ZNF438: variants seen among roughly 807,000 people sequenced by gnomAD.
ZNF438 encodes the protein zinc finger protein 438.
A neutral mutation model predicts 38.0 loss-of-function variants in ZNF438; 25 were observed. That is an observed-to-expected ratio of 0.66 (90% CI 0.48 to 0.92). ZNF438 has a LOEUF of 0.92. Among genes scored for constraint, ZNF438 ranks in the 40% least tolerant of loss-of-function variants. The probability of loss-of-function intolerance (pLI) is 0.00; values close to 1 mark genes in which losing one functional copy is unlikely to be tolerated. For synonymous variants in ZNF438, 372 were observed against 364.1 expected (o/e 1.02, Z -0.25); for missense variants, 1,007 against 999.6 (o/e 1.01, Z -0.10).
intron 3 of ZNF438, among the ~76,000 whole-genome samples, chr10:30,893,133 A>G (rs1007814806): frequency 7.9e-5 from 12 of 152,238 alleles, no homozygotes; most frequent in African/African-American, 2.9e-4. Context: ...AACGCATGAA[A>G]GTGCCTCAAA....
chr10:30,886,454 T>C (rs1253942373), intron 3 of ZNF438, among the ~76,000 whole-genome samples: 1 of 152,216 alleles, frequency 6.6e-6, no homozygotes, highest in African/African-American at 2.4e-5. Flanking sequence ...GATGGGGCTA[T>C]ATACTGATAA....
intron 3 of ZNF438, among the ~76,000 whole-genome samples, chr10:30,906,506 G>A (rs571205928): frequency 6.6e-6 from 1 of 152,210 alleles, no homozygotes; most frequent in South Asian, 2.1e-4. Context: ...CATACAAGAT[G>A]TCATCTACAA....
chr10:30,920,016 G>C (rs2044110344), intron 2 of ZNF438: 1 of 152,160 alleles, frequency 6.6e-6, no homozygotes. Flanking sequence ...TGAGTTTGAG[G>C]CTCCTCTGTT....
At chr10:30,884,906 G>A (rs1487995765) in intron 3 of ZNF438, among the ~76,000 whole-genome samples, 1 of 152,160 alleles carries the variant, frequency 6.6e-6, no homozygotes, top group East Asian at 1.9e-4. Context: ...AAACATAAGA[G>A]AATAACAGAA....
chr10:30,853,228 G>A (rs1017531902), intron 4 of ZNF438, among the ~76,000 whole-genome samples: 5 of 152,162 alleles, frequency 3.3e-5, no homozygotes, highest in African/African-American at 1.2e-4. Context: ...TTTACCGCAA[G>A]ATGAGCTAGA....
chr10:30,874,076 G>A (rs2037930037), intron 4 of ZNF438, among the ~76,000 whole-genome samples: 1 of 140,494 alleles, frequency 7.1e-6, no homozygotes, highest in South Asian at 2.2e-4. Context: ...AAATATATAT[G>A]TAATATATTA....
intron 3 of ZNF438, among the ~76,000 whole-genome samples, chr10:30,879,135 A>T (rs2038878727): frequency 6.6e-6 from 1 of 152,140 alleles, no homozygotes; most frequent in South Asian, 2.1e-4. Flanking sequence ...GTGAGGAAAC[A>T]CCCCAAGACC....
chr10:30,872,212 G>A (rs915342384), intron 4 of ZNF438, among the ~76,000 whole-genome samples: 1 of 151,700 alleles, frequency 6.6e-6, no homozygotes, highest in Non-Finnish European at 1.5e-5. Flanking sequence ...TTTAAGCCAG[G>A]GGGTTAAATT....
chr10:31,013,454 T>G (rs997518849), intron 1 of ZNF438, among the ~76,000 whole-genome samples: 55 of 151,876 alleles, frequency 3.6e-4, no homozygotes, highest in African/African-American at 1.3e-3. Context: ...ATTCCAAACG[T>G]CCACCACTTT....
intron 1 of ZNF438, among the ~76,000 whole-genome samples, chr10:31,020,778 A>G (rs1028769829): frequency 3.3e-5 from 5 of 151,444 alleles, no homozygotes; most frequent in African/African-American, 9.7e-5. Context: ...ATGTTATATT[A>G]TAAATAATTT....
intron 3 of ZNF438, 44 bp from the exon 5 acceptor site, chr10:30,877,109 A>C: frequency 8.0e-7 from 1 of 1,253,520 alleles, no homozygotes; most frequent in East Asian, 2.6e-5. Flanking sequence ...AGTAATTGAG[A>C]GAGCATGTTA....
At chr10:30,894,199 C>A (rs2134087843) in intron 3 of ZNF438, among the ~76,000 whole-genome samples, 1 of 152,270 alleles carries the variant, frequency 6.6e-6, no homozygotes, top group Middle Eastern at 3.4e-3. Context: ...GGTAGAATAA[C>A]CATTACTATT....
chr10:30,865,522 T>C (rs1588870789), intron 4 of ZNF438, among the ~76,000 whole-genome samples: 1 of 152,258 alleles, frequency 6.6e-6, no homozygotes, highest in Non-Finnish European at 1.5e-5. Flanking sequence ...TTCTTAATCT[T>C]ACACCACCTT....
At chr10:30,951,240 A>G (rs534298461) in intron 1 of ZNF438, among the ~76,000 whole-genome samples, 7,760 of 144,948 alleles carry the variant, frequency 0.054, 294 homozygotes, top group Middle Eastern at 0.079. Context: ...GTATTGATGG[A>G]ACGTATTTCA....
chr10:30,962,095 C>T (rs1456131615), intron 1 of ZNF438, among the ~76,000 whole-genome samples: 2 of 146,336 alleles, frequency 1.4e-5, no homozygotes, highest in Non-Finnish European at 3.1e-5. Flanking sequence ...CACCTCCAAC[C>T]CACCTTACTC....
chr10:30,859,256 A>ATT (rs571692960), intron 4 of ZNF438, among the ~76,000 whole-genome samples: 3 of 151,894 alleles, frequency 2.0e-5, no homozygotes, highest in Non-Finnish European at 4.4e-5. Context: ...TAATTTTTGT[A>ATT]TTTTTTTATA....
chr10:31,025,150 T>C (rs1003766945), intron 1 of ZNF438, among the ~76,000 whole-genome samples: 1 of 151,918 alleles, frequency 6.6e-6, no homozygotes, highest in African/African-American at 2.4e-5. Flanking sequence ...ACCACCTCCA[T>C]TTCTAAAGCA....
intron 3 of ZNF438, among the ~76,000 whole-genome samples, chr10:30,907,029 C>T (rs1255656513): frequency 6.6e-6 from 1 of 152,204 alleles, no homozygotes; most frequent in African/African-American, 2.4e-5. Context: ...GGCTGGAGTG[C>T]AATGGTGTAA....
chr10:30,905,852 T>C (rs911930322), intron 3 of ZNF438, among the ~76,000 whole-genome samples: 6 of 152,240 alleles, frequency 3.9e-5, no homozygotes, highest in Admixed American at 2.6e-4. Context: ...CTTGGTACCC[T>C]TGTTGATTAT....
Sources: gnomAD v4.1 joint callset for allele counts (sites outside exome capture counted in the v4.1 genomes callset) on GRCh38, gnomAD v4.1.1 for gene constraint, MANE v1.5 for transcripts, NCBI Gene and HGNC (gene_info 2026-07-23, HGNC 2026-07-21) for gene names.